Variants in SMYD3 observed in about 807,000 individuals in gnomAD.
SMYD3 encodes the protein histone-lysine N-methyltransferase SMYD3.
A neutral mutation model predicts 57.7 loss-of-function variants in SMYD3; 36 were observed. That is an observed-to-expected ratio of 0.62 (90% CI 0.48 to 0.82). The LOEUF is 0.82. SMYD3 is among the 40% of genes least tolerant of loss of function. SMYD3 has a pLI of 0.00. For missense variants in SMYD3, 515 were observed against 538.8 expected, an observed-to-expected ratio of 0.96 and a Z score of 0.44; for synonymous variants, 211 against 195.0, an observed-to-expected ratio of 1.08 and a Z score of -0.68.
chr1:246,427,245 A>G (rs1339261206), intron 1 of SMYD3, among the ~76,000 whole-genome samples: 1 of 152,320 alleles, frequency 6.6e-6, no homozygotes, highest in African/African-American at 2.4e-5. Context: ...TTAAACATTA[A>G]AATAGTGGCT....
At chr1:245,882,583 C>A (rs1459701443) in intron 8 of SMYD3, among the ~76,000 whole-genome samples, 1 of 152,146 alleles carries the variant, frequency 6.6e-6, no homozygotes. Flanking sequence ...TCTCAGTCAA[C>A]AATTTAATGA....
At chr1:245,816,283 G>A (rs558722821) in intron 10 of SMYD3, among the ~76,000 whole-genome samples, 1 of 152,060 alleles carries the variant, frequency 6.6e-6, no homozygotes, top group African/African-American at 2.4e-5. Flanking sequence ...TCCCCACAGA[G>A]AGTACTCCCG....
chr1:246,285,392 T>G (rs2064540233), intron 5 of SMYD3, among the ~76,000 whole-genome samples: 1 of 152,182 alleles, frequency 6.6e-6, no homozygotes, highest in Non-Finnish European at 1.5e-5. Context: ...GGTTCCATAT[T>G]TTTGCAATTG....
chr1:245,981,427 G>C (rs554284309), intron 5 of SMYD3, among the ~76,000 whole-genome samples: 4 of 152,332 alleles, frequency 2.6e-5, no homozygotes, highest in East Asian at 3.9e-4. Flanking sequence ...GAGCTGTCAG[G>C]ACAGATTAAA....
intron 1 of SMYD3, among the ~76,000 whole-genome samples, chr1:246,391,409 AGAGAGAGAAAAAGAG>A (rs1558440330): frequency 0.022 from 1,805 of 81,302 alleles, 20 homozygotes; most frequent in African/African-American, 0.048. Context: ...AGAGAGAGAA[AGAGAGAGAAAAAGAG>A]AGAGAGAGAG....
intron 1 of SMYD3, among the ~76,000 whole-genome samples, chr1:246,468,909 G>C (rs767377213): frequency 1.3e-5 from 2 of 152,106 alleles, no homozygotes; most frequent in Non-Finnish European, 2.9e-5. Flanking sequence ...CAAGGAGTTG[G>C]AGGCTACAGT....
intron 5 of SMYD3, among the ~76,000 whole-genome samples, chr1:246,246,207 T>TA (rs1230319285): frequency 3.3e-5 from 5 of 152,260 alleles, no homozygotes; most frequent in Admixed American, 2.6e-4. Flanking sequence ...TTTCTTTAGT[T>TA]AAAAAAATTA....
chr1:246,387,502 T>C (rs1477215488), intron 1 of SMYD3, among the ~76,000 whole-genome samples: 1 of 152,216 alleles, frequency 6.6e-6, no homozygotes, highest in Non-Finnish European at 1.5e-5. Flanking sequence ...CCAGACATTG[T>C]GTTTAGAAAG....
At chr1:245,886,641 C>A (rs80025238) in intron 8 of SMYD3, among the ~76,000 whole-genome samples, 1,918 of 152,220 alleles carry the variant, frequency 0.013, 42 homozygotes, top group African/African-American at 0.044. Context: ...AGAAAGCTGC[C>A]ATCATAGATA....
Position 246,134,254 on chromosome 1 carries a change from C to T in SMYD3, c.531+192947G>A, listed in dbSNP as rs192944764. ...GAATAGCCTTACTTGGAAATATTCTCTTTTATAAATAGTACTCCCAAAGTC... is the reference window on the plus strand; with the variant it reads ...GAATAGCCTTACTTGGAAATATTCTTTTTTATAAATAGTACTCCCAAAGTC... On this transcript the variant is annotated intron_variant, in intron 5 of 11. Coordinates refer to ENST00000490107, the MANE Select transcript of SMYD3 (RefSeq NM_001167740.2). Among the ~76,000 whole-genome samples the T allele has an allele frequency of 5.8e-3, 876 of 152,184 alleles. 9 individuals carry two copies. The highest frequency in any genetic ancestry group is 5.0e-3 in the Non-Finnish European group (337 of 67,968).
At chr1:246,166,436 C>T (rs1337927658) in intron 5 of SMYD3, among the ~76,000 whole-genome samples, 2 of 152,204 alleles carry the variant, frequency 1.3e-5, no homozygotes, top group Non-Finnish European at 1.5e-5. Flanking sequence ...AGTCTGGTAA[C>T]ACCCTACTCA....
At chr1:246,436,825 T>C (rs990474734) in intron 1 of SMYD3, among the ~76,000 whole-genome samples, 2 of 152,186 alleles carry the variant, frequency 1.3e-5, no homozygotes, top group African/African-American at 4.8e-5. Context: ...TGGTCATTGT[T>C]TTGTCCTTTC....
intron 5 of SMYD3, among the ~76,000 whole-genome samples, chr1:245,954,290 G>A (rs1353452771): frequency 6.6e-6 from 1 of 152,122 alleles, no homozygotes; most frequent in Non-Finnish European, 1.5e-5. Flanking sequence ...AGTCAATATG[G>A]CAATTATACC....
intron 5 of SMYD3, among the ~76,000 whole-genome samples, chr1:246,253,572 A>G (rs2148504609): frequency 6.6e-6 from 1 of 152,324 alleles, no homozygotes; most frequent in Non-Finnish European, 1.5e-5. Context: ...TAGTGCAGCA[A>G]TGATTCTTCC....
chr1:246,330,496 A>C lies in SMYD3; in HGVS notation c.378T>G (p.Phe126Leu). 6.3e-7 allele frequency: 1 copy of C among 1,591,366 alleles called. No homozygotes were observed. Among genetic ancestry groups the C allele is most frequent in the Non-Finnish European group, 8.5e-7 (1 of 1,170,578 alleles). Residue 126 changes from phenylalanine (F) to leucine (L), a missense_variant, in exon 4 of 12, where the codon TTT becomes TTG. By Grantham distance (22) the Phe-to-Leu change is conservative. Transcript: ENST00000490107. ...ATCACTTACTTGACTCCAGATCATA[A>C]AATGAGTAAAGCTTCTCTGATTCTG... ...APSESEKLYS[F>L]YDLESNINKL...
intron 5 of SMYD3, among the ~76,000 whole-genome samples, chr1:246,060,503 G>A (rs2148351631): frequency 6.6e-6 from 1 of 152,050 alleles, no homozygotes; most frequent in South Asian, 2.1e-4. Context: ...GCAGCAAAAT[G>A]TCTTTCTTGA....
At chr1:246,074,461 C>CAT (rs1381855163) in intron 5 of SMYD3, among the ~76,000 whole-genome samples, 1 of 151,036 alleles carries the variant, frequency 6.6e-6, no homozygotes, top group Non-Finnish European at 1.5e-5. Flanking sequence ...TATAACATAC[C>CAT]AAATATAACA....
chr1:246,174,675 G>A (rs1478819081), intron 5 of SMYD3, among the ~76,000 whole-genome samples: 1 of 152,156 alleles, frequency 6.6e-6, no homozygotes, highest in Non-Finnish European at 1.5e-5. Flanking sequence ...TCAAACTCCT[G>A]AGTTCAGGTG....
At chr1:246,168,535 A>G (rs1440805188) in intron 5 of SMYD3, among the ~76,000 whole-genome samples, 3 of 152,236 alleles carry the variant, frequency 2.0e-5, no homozygotes, top group Non-Finnish European at 4.4e-5. Flanking sequence ...GACACTCCAC[A>G]GGGACCAAAT....
Sources: gnomAD v4.1 joint callset for allele counts (sites outside exome capture counted in the v4.1 genomes callset) on GRCh38, gnomAD v4.1.1 for gene constraint, MANE v1.5 for transcripts, NCBI Gene and HGNC (gene_info 2026-07-23, HGNC 2026-07-21) for gene names.